GRM1: variants seen among roughly 807,000 people sequenced by gnomAD.
The protein encoded by GRM1 is glutamate metabotropic receptor 1, also known as metabotropic glutamate receptor 1.
GRM1 carries 33 observed loss-of-function variants against 90.9 expected under a neutral mutation model. That is an observed-to-expected ratio of 0.36 (90% CI 0.28 to 0.49). The LOEUF (loss-of-function observed/expected upper bound fraction) is 0.49. GRM1 is among the 20% of genes least tolerant of loss of function. The probability of loss-of-function intolerance (pLI) is 0.99; values close to 1 mark genes in which losing one functional copy is unlikely to be tolerated. For missense variants in GRM1, 1,190 were observed against 1,534.3 expected (o/e 0.78, Z 3.75); for synonymous variants, 700 against 613.2 (o/e 1.14, Z -2.09).
chr6:146,214,715 T>C (rs1044713000), intron 2 of GRM1, among the ~76,000 whole-genome samples: 20 of 152,134 alleles, frequency 1.3e-4, no homozygotes, highest in African/African-American at 4.8e-4. Context: ...TAGGAATAAA[T>C]ACTTCTTTTG....
chr6:146,215,758 CT>C (rs35104475), intron 2 of GRM1, among the ~76,000 whole-genome samples: 27,025 of 140,198 alleles, frequency 0.19, 2,436 homozygotes, highest in African/African-American at 0.29. Context: ...TATCCACAAA[CT>C]TTTTTTTTTT....
intron 1 of GRM1, among the ~76,000 whole-genome samples, chr6:146,140,685 C>G (rs1405655970): frequency 1.3e-5 from 2 of 152,176 alleles, no homozygotes; most frequent in African/African-American, 4.8e-5. Flanking sequence ...AACTAACAAA[C>G]AAGCAAAGAG....
chr6:146,339,207 T>A (rs1784885044), intron 3 of GRM1, among the ~76,000 whole-genome samples: 1 of 152,198 alleles, frequency 6.6e-6, no homozygotes, highest in Non-Finnish European at 1.5e-5. Flanking sequence ...AAAATTCCTA[T>A]TATATCAGGT....
At chr6:146,432,762 A>G (rs150534159) in intron 7 of GRM1, among the ~76,000 whole-genome samples, 114 of 152,360 alleles carry the variant, frequency 7.5e-4, no homozygotes, top group South Asian at 2.9e-3. Context: ...ACATCTGCTT[A>G]AAGTTATACA....
intron 1 of GRM1, among the ~76,000 whole-genome samples, chr6:146,147,784 GGGTCC>G (rs2128886708): frequency 6.6e-6 from 1 of 152,150 alleles, no homozygotes; most frequent in Non-Finnish European, 1.5e-5. Flanking sequence ...AACAGAGAGG[GGGTCC>G]TGAGTCCTGT....
chr6:146,433,273 T>C (rs1364873026), intron 7 of GRM1, among the ~76,000 whole-genome samples: 2 of 152,068 alleles, frequency 1.3e-5, no homozygotes, highest in Non-Finnish European at 2.9e-5. Context: ...TGAGTCTGAG[T>C]TTTTCTGTCA....
intron 1 of GRM1, among the ~76,000 whole-genome samples, chr6:146,074,249 T>C (rs1776110230): frequency 6.6e-6 from 1 of 152,108 alleles, no homozygotes; most frequent in Non-Finnish European, 1.5e-5. Flanking sequence ...TGGGCAAGAT[T>C]GTGCAGCCTT....
intron 1 of GRM1, among the ~76,000 whole-genome samples, chr6:146,102,242 T>C (rs1777076462): frequency 6.6e-6 from 1 of 152,218 alleles, no homozygotes; most frequent in South Asian, 2.1e-4. Context: ...CTATCCTTGC[T>C]TATATGATAT....
chr6:146,229,850 G>A (rs1407128183), intron 2 of GRM1, among the ~76,000 whole-genome samples: 1 of 152,124 alleles, frequency 6.6e-6, no homozygotes, highest in Non-Finnish European at 1.5e-5. Flanking sequence ...GCTCACAACA[G>A]ACCTATAAGA....
intron 1 of GRM1, among the ~76,000 whole-genome samples, chr6:146,084,264 C>G (rs1224651198): frequency 6.6e-6 from 1 of 151,668 alleles, no homozygotes; most frequent in Non-Finnish European, 1.5e-5. Flanking sequence ...TTAGTTATGT[C>G]TTGTCTTCTG....
At chr6:146,400,209 T>G (rs574845672) in intron 7 of GRM1, among the ~76,000 whole-genome samples, 1 of 152,296 alleles carries the variant, frequency 6.6e-6, no homozygotes, top group East Asian at 1.9e-4. Flanking sequence ...CATTTCAAAA[T>G]TTGATCACTA....
intron 1 of GRM1, among the ~76,000 whole-genome samples, chr6:146,139,417 G>A (rs990171795): frequency 6.6e-6 from 1 of 152,128 alleles, no homozygotes; most frequent in Non-Finnish European, 1.5e-5. Flanking sequence ...CAGGGTTGAA[G>A]TCTCTAGTTA....
intron 1 of GRM1, among the ~76,000 whole-genome samples, chr6:146,052,215 T>C (rs982104859): frequency 2.0e-5 from 3 of 152,024 alleles, no homozygotes; most frequent in African/African-American, 7.2e-5. Context: ...GTAACCAAAC[T>C]TTCCTCAATA....
At chr6:146,302,284 G>A (rs1250934169) in intron 2 of GRM1, among the ~76,000 whole-genome samples, 1 of 149,342 alleles carries the variant, frequency 6.7e-6, no homozygotes, top group African/African-American at 2.5e-5. Context: ...ACACACACAG[G>A]CGTGCGTGCA....
chr6:146,409,004 G>C (rs1347673791), intron 7 of GRM1, among the ~76,000 whole-genome samples: 1 of 152,120 alleles, frequency 6.6e-6, no homozygotes, highest in African/African-American at 2.4e-5. Context: ...GAGCCTAAAG[G>C]GTCATTAATT....
At chr6:146,120,911 G>C (rs546490671) in intron 1 of GRM1, among the ~76,000 whole-genome samples, 1 of 151,922 alleles carries the variant, frequency 6.6e-6, no homozygotes, top group South Asian at 2.1e-4. Context: ...TTTTTGTTTT[G>C]TCTGTGCCAG....
At chr6:146,129,523 C>G (rs2128879806) in intron 1 of GRM1, among the ~76,000 whole-genome samples, 1 of 152,280 alleles carries the variant, frequency 6.6e-6, no homozygotes, top group East Asian at 1.9e-4. Context: ...GCAGGTGTTA[C>G]TGCAGTTCAC....
At chr6:146,322,681 C>T (rs1446376492) in intron 3 of GRM1, among the ~76,000 whole-genome samples, 1 of 151,328 alleles carries the variant, frequency 6.6e-6, no homozygotes, top group Non-Finnish European at 1.5e-5. Flanking sequence ...ATACATGTGC[C>T]ATGTTGGTGT....
intron 1 of GRM1, among the ~76,000 whole-genome samples, chr6:146,138,188 AC>A (rs1776698949): frequency 6.6e-6 from 1 of 152,102 alleles, no homozygotes; most frequent in Non-Finnish European, 1.5e-5. Flanking sequence ...GACTTTCAGT[AC>A]TATGTTAAAT....
Sources: gnomAD v4.1 joint callset for allele counts (sites outside exome capture counted in the v4.1 genomes callset) on GRCh38, gnomAD v4.1.1 for gene constraint, MANE v1.5 for transcripts, NCBI Gene and HGNC (gene_info 2026-07-23, HGNC 2026-07-21) for gene names.